Variants in SIMC1 observed in about 807,000 individuals in gnomAD.
SIMC1 encodes SUMO interacting motifs containing 1.
SIMC1 carries 55 observed loss-of-function variants against 82.3 expected under a neutral mutation model. The observed-to-expected ratio is 0.67, with a 90% CI of 0.54 to 0.84. The LOEUF is 0.84. Ranked by LOEUF, SIMC1 falls within the 40% of genes least tolerant of loss-of-function variation. SIMC1 has a pLI of 0.00. For synonymous variants in SIMC1, 353 were observed against 426.3 expected, an observed-to-expected ratio of 0.83 and a Z score of 2.12; for missense variants, 915 against 1,107.2, an observed-to-expected ratio of 0.83 and a Z score of 2.46.
At chr5:176,296,443 A>G in intron 4 of SIMC1, 123 bp downstream of exon 4, 1 of 1,517,874 alleles carries the variant, frequency 6.6e-7, no homozygotes, top group Non-Finnish European at 9.0e-7. Context: ...GCAGGAGGAC[A>G]GTTTGAGCCC....
intron 5 of SIMC1, 70 bp from the exon 6 acceptor site, chr5:176,322,198 CCTTTT>C: frequency 1.4e-6 from 2 of 1,464,768 alleles, no homozygotes; most frequent in Non-Finnish European, 1.8e-6. Flanking sequence ...GACATGGAAA[CCTTTT>C]CTTTCTTTAT....
At chr5:176,270,997 G>A (rs936389842) in intron 1 of SIMC1, among the ~76,000 whole-genome samples, 1 of 152,174 alleles carries the variant, frequency 6.6e-6, no homozygotes, top group East Asian at 1.9e-4. Flanking sequence ...ACCAGCTGGG[G>A]CAGCCAAGGG....
At chr5:176,258,570 A>G (rs1761920269) in intron 1 of SIMC1, among the ~76,000 whole-genome samples, 1 of 151,790 alleles carries the variant, frequency 6.6e-6, no homozygotes, top group African/African-American at 2.4e-5. Context: ...GTTTTTTAAT[A>G]CAAAAATTGT....
At chr5:176,273,700 T>C (rs1410492707) in intron 1 of SIMC1, among the ~76,000 whole-genome samples, 6 of 152,140 alleles carry the variant, frequency 3.9e-5, no homozygotes, top group African/African-American at 7.2e-5. Flanking sequence ...TTTCCCTTCC[T>C]GTGTCCATGT....
chr5:176,327,255 C>A (rs2434232), intron 7 of SIMC1, among the ~76,000 whole-genome samples: 13 of 152,084 alleles, frequency 8.5e-5, no homozygotes, highest in Non-Finnish European at 1.5e-4. Context: ...GGCCACTCAC[C>A]CAAATTATGC....
chr5:176,318,397 A>G (rs3849726), intron 5 of SIMC1, among the ~76,000 whole-genome samples: 3,206 of 152,278 alleles, frequency 0.021, 49 homozygotes, highest in Middle Eastern at 0.068. Context: ...GTTGGTCTCA[A>G]TATCCCCTCA....
intron 1 of SIMC1, among the ~76,000 whole-genome samples, chr5:176,252,500 C>T (rs528427783): frequency 8.8e-4 from 127 of 144,994 alleles, no homozygotes; most frequent in African/African-American, 2.3e-3. Context: ...ACATCCCAGA[C>T]GGGGTGGCGG....
rs1006881402 is a variant in SIMC1, at chr5:176,322,642, A to C, written c.2042+217A>C. ...ACCCCTAAAATGAATAGGACTTCAC[A>C]AAGTGAATACGAAGTCACAACGCAG... On this transcript the variant is annotated intron_variant, in intron 6 of 9. Coordinates refer to ENST00000429602, the MANE Select transcript of SIMC1 (RefSeq NM_001308195.2). 11 of 529,908 alleles carry C rather than the reference A, an allele frequency of 2.1e-5. No homozygotes were observed. In the Admixed American group the frequency reaches 2.6e-4, roughly 13 times the overall value. The allele number at this position is 529,908 out of a possible 1,614,324, so 32.8% of individuals were successfully genotyped here.
At position 176,290,411 on chromosome 5, in the gene SIMC1, TA is replaced by T. The variant is rs1446646708; in HGVS notation, c.888del (p.Leu297TyrfsTer60). ...GATGTGCCAGGGCTGCCTCAAAGCA[TA>T]TTACATCCACAAGATGTGGCATACC... ...PQDVPGLPQS[I>X]LHPQDVAYLQ... On this transcript the variant is annotated frameshift_variant, in exon 2 of 10. Coordinates refer to ENST00000429602, the MANE Select transcript of SIMC1 (RefSeq NM_001308195.2). LOFTEE classifies it high-confidence loss of function. The T allele has an allele frequency of 6.2e-7, 1 of 1,613,836 alleles. No homozygotes were observed. Among genetic ancestry groups the T allele is most frequent in the African/African-American group, 1.3e-5 (1 of 74,926 alleles).
At chr5:176,275,790 A>G (rs111514054) in intron 1 of SIMC1, among the ~76,000 whole-genome samples, 4 of 151,700 alleles carry the variant, frequency 2.6e-5, no homozygotes, top group Non-Finnish European at 4.4e-5. Flanking sequence ...ATTTCCGTAT[A>G]TTGAACCAGC....
In SIMC1 at chr5:176,289,914, A is replaced by G; in HGVS notation, c.390A>G (p.Val130=). 6.2e-7 allele frequency: 1 copy of G among 1,613,904 alleles called. No individual in the cohort carries two copies. Among genetic ancestry groups the G allele is most frequent in the Non-Finnish European group, 8.5e-7 (1 of 1,179,850 alleles). Residue 130 remains valine (V), a synonymous_variant, in exon 2 of 10, where the codon GTA becomes GTG. Coordinates refer to ENST00000429602, the MANE Select transcript of SIMC1 (RefSeq NM_001308195.2). ...TARRIINSDP[V]DLDLVEENTF... Reference sequence around the variant, plus strand: ...GGAGAATCATTAACAGTGATCCTGTAGATTTGGACCTAGTGGAAGAAAACA... The same window carrying G: ...GGAGAATCATTAACAGTGATCCTGTGGATTTGGACCTAGTGGAAGAAAACA...
In SIMC1 at chr5:176,298,776, A is replaced by C. The variant is rs138168091; in HGVS notation, c.1734+2456A>C. ...GATTGTTATAACTTTAAGACATGTT[A>C]TGTGATCTCATTGGTAACTTCAAGT... On this transcript the variant is annotated intron_variant, in intron 4 of 9. Coordinates refer to ENST00000429602, the MANE Select transcript of SIMC1 (RefSeq NM_001308195.2). Among the ~76,000 whole-genome samples the C allele has an allele frequency of 9.8e-5, 15 of 152,370 alleles. No homozygotes were observed. In the East Asian group the frequency reaches 2.9e-3, roughly 29 times the overall value.
Position 176,335,273 on chromosome 5 carries a change from C to CTTT in SIMC1, c.2172-1427_2172-1425dup, listed in dbSNP as rs1225021593. Among the ~76,000 whole-genome samples, 279 of 98,640 alleles carry CTTT rather than the reference C, an allele frequency of 2.8e-3. 10 individuals carry two copies. The highest frequency in any genetic ancestry group is 4.4e-3 in the African/African-American group (113 of 25,596). 64.7% of individuals were successfully genotyped at this position (98,640 alleles called of 152,430 possible). ...TCTAGATGTTGGCCTTTCTTTGTAT[C>CTTT]TTTTTTTTTTTTTTTTTTTTTTAGA... On this transcript the variant is annotated intron_variant, in intron 7 of 9. Coordinates refer to ENST00000429602, the MANE Select transcript of SIMC1 (RefSeq NM_001308195.2).
At position 176,245,437 on chromosome 5, in the gene SIMC1, G is replaced by A. The variant is rs530956784; in HGVS notation, c.129+6800G>A. ...CTTGATTTCAAACCTTTAGCCTCCA[G>A]GACTGTGAGGGGATAAATTTCTGTT... On this transcript the variant is annotated intron_variant, in intron 1 of 9. Coordinates refer to ENST00000429602, the MANE Select transcript of SIMC1 (RefSeq NM_001308195.2). 2.0e-5 allele frequency among the ~76,000 whole-genome samples: 3 copies of A among 152,272 alleles called. No individual in the cohort carries two copies. In the South Asian group the frequency reaches 6.2e-4, roughly 32 times the overall value.
chr5:176,245,295 G>A (rs971633010), intron 1 of SIMC1, among the ~76,000 whole-genome samples: 3 of 152,172 alleles, frequency 2.0e-5, no homozygotes, highest in African/African-American at 7.2e-5. Flanking sequence ...AGAAACCGAA[G>A]TTATGCAGCT....
intron 1 of SIMC1, among the ~76,000 whole-genome samples, chr5:176,256,865 C>A (rs925336087): frequency 4.6e-5 from 7 of 152,220 alleles, no homozygotes; most frequent in African/African-American, 1.7e-4. Context: ...CCTCAAGTCT[C>A]CTGAGTAGGC....
At chr5:176,325,480 TC>T (rs1291568763) in intron 7 of SIMC1, among the ~76,000 whole-genome samples, 2 of 151,914 alleles carry the variant, frequency 1.3e-5, no homozygotes, top group Non-Finnish European at 2.9e-5. Flanking sequence ...GGTCAGGAGA[TC>T]GAGACCATCC....
At chr5:176,249,291 G>C in intron 1 of SIMC1, among the ~76,000 whole-genome samples, 1 of 152,034 alleles carries the variant, frequency 6.6e-6, no homozygotes, top group East Asian at 1.9e-4. Context: ...CTTGTTATTG[G>C]TCTATTCAGA....
At chr5:176,255,324 G>A (rs1761814527) in intron 1 of SIMC1, among the ~76,000 whole-genome samples, 1 of 152,134 alleles carries the variant, frequency 6.6e-6, no homozygotes. Context: ...GCTCATGCCT[G>A]TAATCCCAGC....
Sources: allele counts gnomAD v4.1 joint callset (sites outside exome capture counted in the v4.1 genomes callset), GRCh38; gene constraint gnomAD v4.1.1; transcripts MANE v1.5; gene names NCBI Gene and HGNC (gene_info 2026-07-23, HGNC 2026-07-21).